SYN2: variants seen among roughly 807,000 people sequenced by gnomAD.
SYN2 encodes synapsin II.
Under a neutral mutation model 50.9 loss-of-function variants are expected in SYN2, and 19 were observed. The ratio of observed to expected loss-of-function variants is 0.37; its 90% CI spans 0.26 to 0.55. The LOEUF is 0.55. Ranked by LOEUF, SYN2 falls within the 20% of genes least tolerant of loss-of-function variation. The probability of loss-of-function intolerance (pLI) is 0.81; values close to 1 mark genes in which losing one functional copy is unlikely to be tolerated. For synonymous variants in SYN2, 255 were observed against 224.9 expected, an observed-to-expected ratio of 1.13 and a Z score of -1.20; for missense variants, 587 against 576.4, an observed-to-expected ratio of 1.02 and a Z score of -0.19.
chr3:12,050,469 C>T lies in SYN2; in HGVS notation c.377+45541C>T, dbSNP rs149017727. On this transcript the variant is annotated intron_variant, in intron 1 of 12. Transcript: ENST00000621198. Reference sequence around the variant, plus strand: ...CAAGTGATTCTTCTGCCTCCGCCTCCCAAGTAGCTGGGACTATAGGTGTGT... The same window carrying T: ...CAAGTGATTCTTCTGCCTCCGCCTCTCAAGTAGCTGGGACTATAGGTGTGT... 8.9e-3 allele frequency among the ~76,000 whole-genome samples: 1,352 copies of T among 151,562 alleles called. 18 individuals are homozygous for T. Among genetic ancestry groups the T allele is most frequent in the African/African-American group, 0.031 (1,297 of 41,366 alleles).
chr3:12,145,631 G>A (rs373601687), intron 3 of SYN2, 48 bp from the exon 4 acceptor site: 87 of 1,599,264 alleles, frequency 5.4e-5, no homozygotes, highest in Non-Finnish European at 7.3e-5. Context: ...AATGATGTAT[G>A]GCCTGAAGTG....
intron 1 of SYN2, among the ~76,000 whole-genome samples, chr3:12,138,752 A>G (rs558527184): frequency 5.9e-5 from 9 of 152,374 alleles, no homozygotes; most frequent in Admixed American, 4.6e-4. Context: ...TCACAGAAGG[A>G]GAGCTATTTT....
rs1264958118 is a variant in SYN2 at position 12,158,773 on chromosome 3, G to C, written c.775-2773G>C. 5.0e-6 allele frequency: 8 copies of C among 1,605,490 alleles called. No individual in the cohort carries two copies. The Admixed American group carries it at 1.3e-4, about 27-fold the overall frequency. ...GCTGCATGCCTCACCCAGCCCCGGG[G>C]GCCGCAGCAACGCCAGCAGCCGCAG... On this transcript the variant is annotated intron_variant, in intron 5 of 12. Coordinates refer to ENST00000621198, the MANE Select transcript of SYN2 (RefSeq NM_133625.6).
At chr3:12,009,867 G>A (rs1027152183) in intron 1 of SYN2, among the ~76,000 whole-genome samples, 4 of 152,294 alleles carry the variant, frequency 2.6e-5, no homozygotes, top group South Asian at 2.1e-4. Flanking sequence ...TTGGGAGGCC[G>A]AGGTAGGCAG....
At chr3:12,163,413 C>G (rs780226451) in intron 7 of SYN2, among the ~76,000 whole-genome samples, 140 of 151,964 alleles carry the variant, frequency 9.2e-4, no homozygotes, top group Non-Finnish European at 1.8e-3. Context: ...TCTTACCCCC[C>G]CTTTTCACTA....
intron 1 of SYN2, among the ~76,000 whole-genome samples, chr3:12,120,037 A>G (rs538737823): frequency 2.2e-4 from 33 of 152,230 alleles, no homozygotes; most frequent in African/African-American, 3.6e-4. Context: ...GCAGAACCCT[A>G]TATATAAAGC....
rs1693761583 is a variant in SYN2, at chr3:12,004,919, A to G, written c.368A>G (p.His123Arg). ...GTGCTGCTGGTGGTCGACGAGCCGCACGCCGACTGGTAGGTGCCGGGCGCC... is the reference window on the plus strand; with the variant it reads ...GTGCTGCTGGTGGTCGACGAGCCGCGCGCCGACTGGTAGGTGCCGGGCGCC... The part of the protein sequence containing the change: ...AKVLLVVDEP[H>R]ADWAKCFRGK... Residue 123 changes from histidine to arginine, a missense_variant, in exon 1 of 13, where the codon CAC (histidine) becomes CGC (arginine). Coordinates refer to ENST00000621198, the MANE Select transcript of SYN2 (RefSeq NM_133625.6). 1.8e-6 allele frequency: 1 copy of G among 566,566 alleles called. No homozygotes were observed. The highest frequency in any genetic ancestry group is 3.1e-6 in the Non-Finnish European group (1 of 318,754). The allele number at this position is 566,566 out of a possible 1,614,324, so 35.1% of individuals were successfully genotyped here. A position where few individuals can be genotyped will look rare whatever the true frequency, so the allele number is the denominator to read the frequency against.
Position 12,056,171 on chromosome 3 carries a change from T to G in SYN2, c.377+51243T>G, listed in dbSNP as rs544774008. 5.4e-5 allele frequency among the ~76,000 whole-genome samples: 8 copies of G among 148,468 alleles called. No homozygotes were observed. In the South Asian group the frequency reaches 1.7e-3, roughly 31 times the overall value. ...TTTGGAAGACAAAGTTGTGTTTTGT[T>G]TTTTTTTTTTTAAATAGGCAACTGT... On this transcript the variant is annotated intron_variant, in intron 1 of 12. Coordinates refer to ENST00000621198, the MANE Select transcript of SYN2 (RefSeq NM_133625.6).
intron 5 of SYN2, among the ~76,000 whole-genome samples, chr3:12,154,707 G>C (rs1305848912): frequency 6.6e-6 from 1 of 152,218 alleles, no homozygotes; most frequent in Non-Finnish European, 1.5e-5. Context: ...ACAGAGAGAA[G>C]AATGTGGTCT....
chr3:12,183,669 C>A, intron 11 of SYN2: 1 of 1,355,058 alleles, frequency 7.4e-7, no homozygotes, highest in Non-Finnish European at 9.4e-7. Flanking sequence ...CTTGTGATTC[C>A]AGGGCTGTTT....
At chr3:12,029,112 A>T (rs1372214389) in intron 1 of SYN2, among the ~76,000 whole-genome samples, 1 of 51,750 alleles carries the variant, frequency 1.9e-5, no homozygotes, top group African/African-American at 1.2e-4. Flanking sequence ...CAGTTTTCCC[A>T]GCACCATTTA....
rs1698424606 is a variant in SYN2, at chr3:12,190,489, G to A, written c.1614-1G>A. 6.2e-7 allele frequency: 1 copy of A among 1,613,508 alleles called. No individual in the cohort carries two copies. Among genetic ancestry groups the A allele is most frequent in the South Asian group, 1.1e-5 (1 of 91,012 alleles). On this transcript the variant is annotated splice_acceptor_variant, in intron 12 of 12. Coordinates refer to ENST00000621198, the MANE Select transcript of SYN2 (RefSeq NM_133625.6). LOFTEE classifies it high-confidence loss of function. ...CATTCTCTCTGGTTTTTATCTTCAA[G>A]CAAGTCGCAGTCCCTGACAAATGCC...
chr3:12,133,625 G>C (rs1191030227), intron 1 of SYN2, among the ~76,000 whole-genome samples: 1 of 152,188 alleles, frequency 6.6e-6, no homozygotes, highest in African/African-American at 2.4e-5. Context: ...CAGTAAAATA[G>C]AAAATTCTGA....
At chr3:12,178,455 C>G (rs1454775994) in intron 10 of SYN2, among the ~76,000 whole-genome samples, 1 of 152,198 alleles carries the variant, frequency 6.6e-6, no homozygotes, top group African/African-American at 2.4e-5. Flanking sequence ...CAAAAACCCA[C>G]AAACCCTCAT....
At chr3:12,030,543 C>T (rs1227453512) in intron 1 of SYN2, among the ~76,000 whole-genome samples, 1 of 151,558 alleles carries the variant, frequency 6.6e-6, no homozygotes, top group Non-Finnish European at 1.5e-5. Flanking sequence ...TTGATTATTG[C>T]CACAATTTCA....
At chr3:12,059,337 G>A (rs1333029705) in intron 1 of SYN2, among the ~76,000 whole-genome samples, 1 of 152,234 alleles carries the variant, frequency 6.6e-6, no homozygotes, top group East Asian at 1.9e-4. Flanking sequence ...GACGGGATAA[G>A]TGGGTGGTGG....
At chr3:12,054,097 G>T (rs1694936260) in intron 1 of SYN2, among the ~76,000 whole-genome samples, 1 of 152,154 alleles carries the variant, frequency 6.6e-6, no homozygotes, top group African/African-American at 2.4e-5. Context: ...TTTACAACAG[G>T]CAGTGAAGAG....
At chr3:12,164,984 CTTTTTTTTTT>C (rs68043865) in intron 7 of SYN2, among the ~76,000 whole-genome samples, 33 of 92,344 alleles carry the variant, frequency 3.6e-4, no homozygotes, top group African/African-American at 1.2e-3. Flanking sequence ...TTTTTCTTTT[CTTTTTTTTTT>C]TTTTTTTTTT....
At chr3:12,182,604 A>G (rs1242516627) in intron 10 of SYN2, among the ~76,000 whole-genome samples, 1 of 152,124 alleles carries the variant, frequency 6.6e-6, no homozygotes, top group Non-Finnish European at 1.5e-5. Flanking sequence ...ACAAACATTA[A>G]TGTCTTACTC....
Sources: gnomAD v4.1 joint callset for allele counts (sites outside exome capture counted in the v4.1 genomes callset) on GRCh38, gnomAD v4.1.1 for gene constraint, MANE v1.5 for transcripts, NCBI Gene and HGNC (gene_info 2026-07-23, HGNC 2026-07-21) for gene names.